ELAPOR1: variants seen among roughly 807,000 people sequenced by gnomAD.
The protein encoded by ELAPOR1 is endosome/lysosome-associated apoptosis and autophagy regulator 1.
ELAPOR1 carries 77 observed loss-of-function variants against 119.7 expected under a neutral mutation model. The ratio of observed to expected loss-of-function variants is 0.64; its 90% CI spans 0.54 to 0.78. The LOEUF (loss-of-function observed/expected upper bound fraction) is 0.78, where lower values mean the gene tolerates loss of function less well. ELAPOR1 is among the 30% of genes least tolerant of loss of function. The pLI, the probability that ELAPOR1 is intolerant of heterozygous loss-of-function variation, is 0.00. For missense variants in ELAPOR1, 1,115 were observed against 1,270.4 expected (o/e 0.88, Z 1.86); for synonymous variants, 481 against 487.2 (o/e 0.99, Z 0.17).
chr1:109,171,301 C>T (rs1368622606), intron 3 of ELAPOR1, among the ~76,000 whole-genome samples: 2 of 152,054 alleles, frequency 1.3e-5, no homozygotes, highest in East Asian at 1.9e-4. Flanking sequence ...TAATCCCAGC[C>T]CTTTTTGAGG....
At chr1:109,183,761 C>T (rs1463816972) in intron 7 of ELAPOR1, among the ~76,000 whole-genome samples, 2 of 151,982 alleles carry the variant, frequency 1.3e-5, no homozygotes, top group African/African-American at 2.4e-5. Flanking sequence ...GGACTATAGG[C>T]CTGCACCACC....
intron 1 of ELAPOR1, among the ~76,000 whole-genome samples, chr1:109,132,281 T>C (rs7553430): frequency 0.36 from 53,849 of 151,680 alleles, 12,024 homozygotes; most frequent in African/African-American, 0.63. Context: ...TTGAACAGCT[T>C]GGATTACAGG....
chr1:109,156,417 G>A (rs1263522427), intron 1 of ELAPOR1, among the ~76,000 whole-genome samples: 2 of 152,102 alleles, frequency 1.3e-5, no homozygotes, highest in African/African-American at 4.8e-5. Context: ...GCTACCATCG[G>A]CACCACCATC....
intron 21 of ELAPOR1, among the ~76,000 whole-genome samples, 187 bp downstream of exon 21, chr1:109,201,087 C>T (rs753750164): frequency 6.6e-5 from 10 of 152,220 alleles, no homozygotes; most frequent in Non-Finnish European, 1.2e-4. Context: ...TACTCTTTCC[C>T]CCGGGGCCCA....
At position 109,197,485 on chromosome 1, in the gene ELAPOR1, G is replaced by A. The variant is rs1467428366; in HGVS notation, c.2133G>A (p.Met711Ile). The A allele has an allele frequency of 1.2e-6, 2 of 1,614,020 alleles. No homozygotes were observed. Among genetic ancestry groups the A allele is most frequent in the Non-Finnish European group, 1.7e-6 (2 of 1,179,948 alleles). The change falls in exon 16 of 22, where the codon ATG becomes ATA. Residue 711 changes from methionine (M) to isoleucine (I), a missense_variant. Transcript: ENST00000369939. ...CACTCCCCAACCAGGGTAGGAAAAT[G>A]TCTGTGTGCACCGACAATGTCACTG... ...LSLCGNQGRK[M>I]SVCTDNVTDL...
Position 109,144,061 on chromosome 1 carries a change from A to ATATTT in ELAPOR1, c.154-17832_154-17831insATTTT. Among the ~76,000 whole-genome samples, 724 of 88,808 alleles carry ATATTT rather than the reference A, an allele frequency of 8.2e-3. 22 individuals carry two copies. The highest frequency in any genetic ancestry group is 0.057 in the East Asian group (190 of 3,312). The allele number at this position is 88,808 out of a possible 152,430, so 58.3% of individuals were successfully genotyped here. On this transcript the variant is annotated intron_variant, in intron 1 of 21. Coordinates refer to ENST00000369939, the MANE Select transcript of ELAPOR1 (RefSeq NM_020775.5). Reference sequence around the variant, plus strand: ...TATATATATATATATATATTTATATATTTTTTTTTTTTTTTGAGATGGAGT... The same window carrying ATATTT: ...TATATATATATATATATATTTATATATATTTTTTTTTTTTTTTTTTGAGATGGAGT...
intron 1 of ELAPOR1, among the ~76,000 whole-genome samples, chr1:109,116,131 T>A (rs1396451446): frequency 6.6e-6 from 1 of 152,242 alleles, no homozygotes; most frequent in Non-Finnish European, 1.5e-5. Context: ...ATATTGATAC[T>A]TGAGAACTCG....
Position 109,205,919 on chromosome 1 carries a change from A to G in ELAPOR1, c.*2907A>G, listed in dbSNP as rs1459112166. On this transcript the variant is annotated 3_prime_UTR_variant, in exon 22 of 22. Transcript: ENST00000369939. ...ACAGCTTTATTGAGATATAATTCAC[A>G]TATTACACAATTCACCTTTAAAACA... 1 of 152,204 alleles carries G rather than the reference A, an allele frequency of 6.6e-6. No individual in the cohort carries two copies. Among genetic ancestry groups the G allele is most frequent in the African/African-American group, 2.4e-5 (1 of 41,448 alleles). 9.4% of individuals were successfully genotyped at this position (152,204 alleles called of 1,614,324 possible). A position where few individuals can be genotyped will look rare whatever the true frequency, so the allele number is the denominator to read the frequency against.
At chr1:109,151,985 C>T (rs866448857) in intron 1 of ELAPOR1, among the ~76,000 whole-genome samples, 2 of 151,848 alleles carry the variant, frequency 1.3e-5, no homozygotes, top group African/African-American at 2.4e-5. Context: ...TCAATCCTTC[C>T]ACCTCAGCCT....
intron 7 of ELAPOR1, among the ~76,000 whole-genome samples, chr1:109,175,178 T>C (rs908627243): frequency 6.6e-6 from 1 of 151,310 alleles, no homozygotes; most frequent in Admixed American, 6.6e-5. Flanking sequence ...TTTTTTTAAG[T>C]GGTGAATTTT....
chr1:109,202,981 C>T lies in ELAPOR1; in HGVS notation c.3011C>T (p.Thr1004Ile), dbSNP rs1283846760. Residue 1004 changes from threonine to isoleucine, a missense_variant, in exon 22 of 22, where the codon ACA becomes ATA. By Grantham distance (89) the Thr-to-Ile change is moderately conservative (BLOSUM62 -1). Transcript: ENST00000369939. ...GGATTTGACTCAGTGCCGCTGAAGA[C>T]ATCCTCAGGAGGCCTAGACATGGAC... ...PDGFDSVPLK[T>I]SSGGLDMDL is the part of the protein sequence containing the mutation. 6.2e-7 allele frequency: 1 copy of T among 1,613,758 alleles called. No homozygotes were observed. The highest frequency in any genetic ancestry group is 1.1e-5 in the South Asian group (1 of 90,944).
chr1:109,144,786 C>T lies in ELAPOR1; in HGVS notation c.154-17108C>T, dbSNP rs569621687. Among the ~76,000 whole-genome samples, 17 of 152,194 alleles carry T rather than the reference C, an allele frequency of 1.1e-4. No homozygotes were observed. In the South Asian group the frequency reaches 2.9e-3, roughly 26 times the overall value. On this transcript the variant is annotated intron_variant, in intron 1 of 21. Transcript: ENST00000369939. ...GAATTCTAGGATTGGCCTTTTCTCT[C>T]AGTACTTTGTTTATATTTCCCATTT...
chr1:109,166,598 G>A (rs538801873), intron 3 of ELAPOR1, among the ~76,000 whole-genome samples: 11 of 152,280 alleles, frequency 7.2e-5, no homozygotes, highest in African/African-American at 2.2e-4. Flanking sequence ...TTACAGAGAC[G>A]AGGAACTGGA....
chr1:109,172,261 A>G lies in ELAPOR1; in HGVS notation c.616-227A>G, dbSNP rs571957327. Among the ~76,000 whole-genome samples, 19 of 152,352 alleles carry G rather than the reference A, an allele frequency of 1.2e-4. 1 individual carries two copies. The South Asian group carries it at 3.9e-3, about 32-fold the overall frequency. On this transcript the variant is annotated intron_variant, in intron 4 of 21. Coordinates refer to ENST00000369939, the MANE Select transcript of ELAPOR1 (RefSeq NM_020775.5). ...TTTTATCCAGCTCAGACATGAAAAC[A>G]GCACATCTGAGTTACAAGTTATTTC...
In ELAPOR1 at chr1:109,114,116, G is replaced by T; in HGVS notation, c.-68G>T. 4.9e-6 allele frequency: 7 copies of T among 1,429,704 alleles called. No homozygotes were observed. Among genetic ancestry groups the T allele is most frequent in the South Asian group, 2.9e-5 (2 of 68,520 alleles). The allele number at this position is 1,429,704 out of a possible 1,614,324, so 88.6% of individuals were successfully genotyped here. On this transcript the variant is annotated 5_prime_UTR_variant, in exon 1 of 22. Transcript: ENST00000369939. Reference sequence around the variant, plus strand: ...GTGTACCTCCCTCCCCTTTTTTTCCGCCTTCTGCCAGCAGAAGCAGCAGCC... The same window carrying T: ...GTGTACCTCCCTCCCCTTTTTTTCCTCCTTCTGCCAGCAGAAGCAGCAGCC...
chr1:109,168,892 T>C (rs1428156633), intron 3 of ELAPOR1, among the ~76,000 whole-genome samples: 1 of 152,130 alleles, frequency 6.6e-6, no homozygotes, highest in African/African-American at 2.4e-5. Context: ...AATCAAAACA[T>C]GTTGTTATTA....
rs1367976906 is a variant in ELAPOR1 at position 109,162,004 on chromosome 1, C to T, written c.264C>T (p.Gly88=). Reference sequence around the variant, plus strand: ...CCAGCCTGCCTGACCCCATCAAGGGCACCGAGTGCTGTAAGCAGCTATCCT... The same window carrying T: ...CCAGCCTGCCTGACCCCATCAAGGGTACCGAGTGCTGTAAGCAGCTATCCT... ...LCTSLPDPIK[G]TECSFSCNAG... Residue 88 remains glycine (G), a synonymous_variant, in exon 2 of 22, where the codon GGC becomes GGT. Coordinates refer to ENST00000369939, the MANE Select transcript of ELAPOR1 (RefSeq NM_020775.5). 2.5e-6 allele frequency: 4 copies of T among 1,612,002 alleles called. No homozygotes were observed. Among genetic ancestry groups the T allele is most frequent in the Non-Finnish European group, 2.5e-6 (3 of 1,178,486 alleles).
chr1:109,163,998 C>A (rs139332027), intron 2 of ELAPOR1, among the ~76,000 whole-genome samples: 2 of 152,226 alleles, frequency 1.3e-5, no homozygotes, highest in African/African-American at 4.8e-5. Flanking sequence ...GCCCAAAGTC[C>A]CACAGCAAGG....
chr1:109,171,945 C>A lies in ELAPOR1; in HGVS notation c.547C>A (p.Leu183Met). 1 of 1,614,214 alleles carries A rather than the reference C, an allele frequency of 6.2e-7. No individual in the cohort carries two copies. Among genetic ancestry groups the A allele is most frequent in the Non-Finnish European group, 8.5e-7 (1 of 1,180,028 alleles). ...AGCCACACTGATGTACGCCGTCAAC[C>A]TGAAGCAATCTGGCACCGTTAACTT... ...CTATLMYAVN[L>M]KQSGTVNFEY... The change falls in exon 4 of 22, where the codon CTG becomes ATG. Residue 183 changes from leucine (L) to methionine (M), a missense_variant. Transcript: ENST00000369939.
Sources: allele counts gnomAD v4.1 joint callset (sites outside exome capture counted in the v4.1 genomes callset), GRCh38; gene constraint gnomAD v4.1.1; transcripts MANE v1.5; gene names NCBI Gene and HGNC (gene_info 2026-07-23, HGNC 2026-07-21).